TRIM23: variants seen among roughly 807,000 people sequenced by gnomAD.
The protein encoded by TRIM23 is E3 ubiquitin-protein ligase TRIM23.
Under a neutral mutation model 71.0 loss-of-function variants are expected in TRIM23, and 27 were observed. The ratio of observed to expected loss-of-function variants is 0.38; its 90% CI spans 0.28 to 0.52. TRIM23 has a LOEUF of 0.52. Among genes scored for constraint, TRIM23 ranks in the 20% least tolerant of loss-of-function variants. The pLI is 0.84. For synonymous variants in TRIM23, 234 were observed against 238.0 expected (o/e 0.98, Z 0.16); for missense variants, 482 against 692.3 (o/e 0.70, Z 3.41).
chr5:65,608,763 G>T (rs1417956753), intron 6 of TRIM23, among the ~76,000 whole-genome samples: 1 of 152,086 alleles, frequency 6.6e-6, no homozygotes, highest in African/African-American at 2.4e-5. Context: ...CAAAACATAC[G>T]TTTGCTCTAA....
chr5:65,592,994 A>G (rs1335648396), intron 10 of TRIM23, among the ~76,000 whole-genome samples: 2 of 152,244 alleles, frequency 1.3e-5, no homozygotes, highest in Non-Finnish European at 2.9e-5. Context: ...AAAAGTTGAC[A>G]TACATTTATG....
rs73097155 is a variant in TRIM23 at position 65,607,565 on chromosome 5, C to T, written c.1044+1678G>A. 1.1e-3 allele frequency among the ~76,000 whole-genome samples: 174 copies of T among 152,280 alleles called. 1 individual carries two copies. The highest frequency in any genetic ancestry group is 4.1e-3 in the African/African-American group (170 of 41,550). Reference sequence around the variant, plus strand: ...CTAACTTTCCTGAAGCCTCCCCAGCCATGCAAACCTGTAAATTAAGCCCCT... The same window carrying T: ...CTAACTTTCCTGAAGCCTCCCCAGCTATGCAAACCTGTAAATTAAGCCCCT... On this transcript the variant is annotated intron_variant, in intron 6 of 10. Coordinates refer to ENST00000231524, the MANE Select transcript of TRIM23 (RefSeq NM_001656.4).
chr5:65,615,960 A>T (rs1010407312), intron 2 of TRIM23, among the ~76,000 whole-genome samples: 1 of 152,188 alleles, frequency 6.6e-6, no homozygotes, highest in Non-Finnish European at 1.5e-5. Context: ...CGAGCCTCCA[A>T]CCATCTGGAC....
intron 5 of TRIM23, 107 bp downstream of exon 5, chr5:65,610,754 T>A: frequency 2.3e-6 from 2 of 869,538 alleles, no homozygotes; most frequent in Non-Finnish European, 3.4e-6. Context: ...TTTCTAATGA[T>A]TGGTGCAATA....
rs1754656247 is a variant in TRIM23, at chr5:65,611,752, C to T, written c.496G>A (p.Val166Ile). 6.2e-7 allele frequency: 1 copy of T among 1,614,192 alleles called. No homozygotes were observed. The highest frequency in any genetic ancestry group is 1.3e-5 in the African/African-American group (1 of 75,046). The stretch of plus-strand genomic sequence containing the variant: ...TCATGAGGTTTATCAGCTAGAGGAA[C>T]TCGCCTGTGCTTTGCTAATGTCTTT... ...STKTLAKHRR[V>I]PLADKPHEKT... Residue 166 changes from valine to isoleucine, a missense_variant, in exon 4 of 11, where the codon GTT (valine) becomes ATT (isoleucine). Val to Ile is a conservative substitution (Grantham distance 29). Coordinates refer to ENST00000231524, the MANE Select transcript of TRIM23 (RefSeq NM_001656.4).
chr5:65,623,674 G>C (rs1055953773), intron 1 of TRIM23, among the ~76,000 whole-genome samples: 2 of 152,164 alleles, frequency 1.3e-5, no homozygotes, highest in African/African-American at 4.8e-5. Flanking sequence ...AATAACAGAT[G>C]TCTGATTACA....
At chr5:65,604,467 T>C (rs1754444606) in intron 7 of TRIM23, among the ~76,000 whole-genome samples, 1 of 152,098 alleles carries the variant, frequency 6.6e-6, no homozygotes, top group South Asian at 2.1e-4. Context: ...TGAAATAAGA[T>C]ATTGGGATGA....
intron 5 of TRIM23, 46 bp from the exon 6 acceptor site, chr5:65,609,504 G>T (rs1307846807): frequency 1.3e-6 from 2 of 1,536,782 alleles, no homozygotes; most frequent in Admixed American, 1.9e-5. Flanking sequence ...TGTTAATAAA[G>T]ATTTTACCTG....
At chr5:65,619,381 C>A (rs1200017734) in intron 1 of TRIM23, among the ~76,000 whole-genome samples, 3 of 152,162 alleles carry the variant, frequency 2.0e-5, no homozygotes, top group Non-Finnish European at 4.4e-5. Flanking sequence ...GACCAAAGAA[C>A]CCTCAGGAAC....
At chr5:65,598,504 C>T (rs1202177870) in intron 7 of TRIM23, among the ~76,000 whole-genome samples, 5 of 152,136 alleles carry the variant, frequency 3.3e-5, no homozygotes, top group Admixed American at 6.5e-5. Context: ...CCCAGCACTT[C>T]GGGAGGCCGA....
At position 65,605,025 on chromosome 5, in the gene TRIM23, C is replaced by A; in HGVS notation, c.1065G>T (p.Leu355Phe). 1 of 1,613,186 alleles carries A rather than the reference C, an allele frequency of 6.2e-7. No homozygotes were observed. Among genetic ancestry groups the A allele is most frequent in the Non-Finnish European group, 8.5e-7 (1 of 1,179,828 alleles). Residue 355 changes from leucine to phenylalanine, a missense_variant, in exon 7 of 11, where the codon TTG becomes TTT. Around this residue, in one of 2 missense-constraint regions of TRIM23, gnomAD observed 307 missense variants for 495.8 expected, o/e 0.62. Coordinates refer to ENST00000231524, the MANE Select transcript of TRIM23 (RefSeq NM_001656.4). Reference sequence around the variant, plus strand: ...GTAACCTTGTAATTTCCTGTTTTGCCAAGACAACTCTACAATCATCCTATA... The same window carrying A: ...GTAACCTTGTAATTTCCTGTTTTGCAAAGACAACTCTACAATCATCCTATA... ...TLQQDDCRVV[L>F]AKQEITRLLE...
chr5:65,623,174 G>T (rs1263988680), intron 1 of TRIM23, among the ~76,000 whole-genome samples: 1 of 152,080 alleles, frequency 6.6e-6, no homozygotes, highest in Non-Finnish European at 1.5e-5. Context: ...ATAATCATAG[G>T]TGTCTACTTT....
At chr5:65,609,641 G>A (rs576103367) in intron 5 of TRIM23, among the ~76,000 whole-genome samples, 183 bp from the exon 6 acceptor site, 1 of 152,210 alleles carries the variant, frequency 6.6e-6, no homozygotes, top group South Asian at 2.1e-4. Flanking sequence ...GAGGCGGGAG[G>A]ATTGATTGAG....
At chr5:65,600,881 T>C (rs936465988) in intron 7 of TRIM23, among the ~76,000 whole-genome samples, 2 of 152,036 alleles carry the variant, frequency 1.3e-5, no homozygotes, top group Admixed American at 6.5e-5. Flanking sequence ...GGCCAACAAT[T>C]ATATGAAAAG....
At chr5:65,614,617 C>T (rs1230874353) in intron 2 of TRIM23, among the ~76,000 whole-genome samples, 2 of 151,878 alleles carry the variant, frequency 1.3e-5, no homozygotes, top group Admixed American at 1.3e-4. Context: ...CGCCCATAAT[C>T]CCAGCCACTC....
intron 6 of TRIM23, chr5:65,607,117 A>C (rs1051191165): frequency 2.0e-5 from 3 of 152,206 alleles, no homozygotes; most frequent in Admixed American, 2.0e-4. Flanking sequence ...AGTGAAGATC[A>C]ATTTGTGATG....
intron 1 of TRIM23, among the ~76,000 whole-genome samples, chr5:65,620,648 T>C (rs63503060): frequency 0.076 from 11,308 of 148,422 alleles, 426 homozygotes; most frequent in East Asian, 0.096. Flanking sequence ...ACCAGTAACA[T>C]TGGAACACTG....
rs1354452284 is a variant in TRIM23, at chr5:65,624,187, C to T, written c.81+7G>A. On this transcript the variant is annotated splice_region_variant and intron_variant, in intron 1 of 10. Coordinates refer to ENST00000231524, the MANE Select transcript of TRIM23 (RefSeq NM_001656.4). ...TGGTGGAGAATAGAGCACGCAAGGTCCCTCACCTTCACTACAGCTGTCCCC... is the reference window on the plus strand; with the variant it reads ...TGGTGGAGAATAGAGCACGCAAGGTTCCTCACCTTCACTACAGCTGTCCCC... 1.2e-6 allele frequency: 2 copies of T among 1,614,014 alleles called. No homozygotes were observed. Among genetic ancestry groups the T allele is most frequent in the African/African-American group, 1.3e-5 (1 of 74,938 alleles).
chr5:65,599,616 C>T (rs1754308376), intron 7 of TRIM23, among the ~76,000 whole-genome samples: 1 of 152,130 alleles, frequency 6.6e-6, no homozygotes, highest in African/African-American at 2.4e-5. Flanking sequence ...ATAGACATTC[C>T]ATGTCCATGG....
Sources: allele counts gnomAD v4.1 joint callset (sites outside exome capture counted in the v4.1 genomes callset), GRCh38; gene constraint gnomAD v4.1.1; regional missense constraint gnomAD v4.1.1; transcripts MANE v1.5; gene names NCBI Gene and HGNC (gene_info 2026-07-23, HGNC 2026-07-21).